Variants in TENM4 observed in about 807,000 individuals in gnomAD.
TENM4 encodes teneurin-4.
A neutral mutation model predicts 243.3 loss-of-function variants in TENM4; 82 were observed. The observed-to-expected ratio is 0.34, with a 90% CI of 0.28 to 0.40. TENM4 has a LOEUF of 0.40. TENM4 is among the 10% of genes least tolerant of loss of function. TENM4 has a pLI of 1.00. For synonymous variants in TENM4, 1,412 were observed against 1,456.3 expected (o/e 0.97, Z 0.69); for missense variants, 3,138 against 3,673.3 (o/e 0.85, Z 3.77).
At chr11:79,321,447 T>C (rs557158441) in intron 1 of TENM4, among the ~76,000 whole-genome samples, 2 of 152,112 alleles carry the variant, frequency 1.3e-5, no homozygotes, top group Non-Finnish European at 2.9e-5. Flanking sequence ...GATGGTTCGA[T>C]GTCCCAAATG....
intron 10 of TENM4, among the ~76,000 whole-genome samples, chr11:78,859,522 G>A (rs1230243693): frequency 2.6e-5 from 4 of 152,186 alleles, no homozygotes; most frequent in African/African-American, 9.7e-5. Flanking sequence ...AAAATGGATA[G>A]CTCAGTCAAA....
intron 18 of TENM4, among the ~76,000 whole-genome samples, chr11:78,761,684 T>C (rs188466927): frequency 1.1e-5 from 1 of 91,204 alleles, no homozygotes; most frequent in Non-Finnish European, 2.3e-5. Context: ...GGTATAGGCT[T>C]GGTCTCTTAG....
intron 1 of TENM4, among the ~76,000 whole-genome samples, chr11:79,368,417 C>T (rs948461985): frequency 6.6e-6 from 1 of 152,226 alleles, no homozygotes; most frequent in African/African-American, 2.4e-5. Context: ...GCAGTAATGT[C>T]AACCAAGTAC....
chr11:78,802,328 C>T (rs1183877615), intron 15 of TENM4, among the ~76,000 whole-genome samples: 4 of 152,222 alleles, frequency 2.6e-5, no homozygotes, highest in African/African-American at 9.6e-5. Context: ...GAGGCAGGTA[C>T]TATTACTATC....
chr11:78,835,415 A>G (rs919284899), intron 12 of TENM4, among the ~76,000 whole-genome samples: 1 of 152,166 alleles, frequency 6.6e-6, no homozygotes, highest in Non-Finnish European at 1.5e-5. Context: ...CTGAGGCAGG[A>G]GAATCACTTG....
chr11:78,944,124 C>A (rs1211943048), intron 6 of TENM4, among the ~76,000 whole-genome samples: 2 of 152,176 alleles, frequency 1.3e-5, no homozygotes, highest in Non-Finnish European at 2.9e-5. Context: ...GAGTGACTCT[C>A]CAGTGTCATC....
Position 79,364,990 on chromosome 11 carries a change from A to G in TENM4, c.-320-67447T>C, listed in dbSNP as rs529845095. Among the ~76,000 whole-genome samples the G allele has an allele frequency of 1.2e-3, 177 of 152,326 alleles. 9 individuals carry two copies. The South Asian group carries it at 0.034, about 29-fold the overall frequency. On this transcript the variant is annotated intron_variant, in intron 1 of 33. Transcript: ENST00000278550. ...AAGAAAGCAAAAACTGTTGGGAGAC[A>G]TGTTTCAAAATCTTACTAATGAGGT...
At position 79,289,663 on chromosome 11, in the gene TENM4, C is replaced by T. The variant is rs573244568; in HGVS notation, c.-265+7825G>A. 2.5e-4 allele frequency among the ~76,000 whole-genome samples: 38 copies of T among 152,352 alleles called. No homozygotes were observed. In the South Asian group the frequency reaches 7.1e-3, roughly 28 times the overall value. On this transcript the variant is annotated intron_variant, in intron 2 of 33. Coordinates refer to ENST00000278550, the MANE Select transcript of TENM4 (RefSeq NM_001098816.3). ...GATCCTAAGAGCATGCTCCAATAAA[C>T]TTTCTGCATGCAAATCTCTGTCCTA...
Position 78,688,170 on chromosome 11 carries a change from C to T in TENM4, c.5144G>A (p.Ser1715Asn), listed in dbSNP as rs1485512005. The change falls in exon 29 of 34, where the codon AGT becomes AAT. Residue 1715 changes from serine to asparagine, a missense_variant. Ser to Asn is a conservative substitution (Grantham distance 46). Around this residue, in one of 2 missense-constraint regions of TENM4, gnomAD observed 2,467 missense variants for 3,059.1 expected, o/e 0.81. Transcript: ENST00000278550. ...TGAACTGTCTGTATCACTTCGGAAA[C>T]TGCTCACCTGGCCAGTAGGGAAGGT... ...NVTFPTGQVS[S>N]FRSDTDSSVH... The T allele has an allele frequency of 6.2e-7, 1 of 1,613,936 alleles. No individual in the cohort carries two copies. The highest frequency in any genetic ancestry group is 2.2e-5 in the East Asian group (1 of 44,884).
rs566382996 is a variant in TENM4 at position 78,672,477 on chromosome 11, C to T, written c.5497-148G>A. ...CGCAGCAACAGACATGGGTTTGAAT[C>T]CTGGCTCTGTCATTTGTCAGCTCTG... On this transcript the variant is annotated intron_variant, in intron 30 of 33. Coordinates refer to ENST00000278550, the MANE Select transcript of TENM4 (RefSeq NM_001098816.3). The T allele has an allele frequency of 1.4e-5, 12 of 839,104 alleles. No homozygotes were observed. In the African/African-American group the frequency reaches 1.7e-4, roughly 12 times the overall value. 52.0% of individuals were successfully genotyped at this position (839,104 alleles called of 1,614,324 possible).
At chr11:79,017,367 A>C (rs1565168961) in intron 6 of TENM4, among the ~76,000 whole-genome samples, 1 of 152,126 alleles carries the variant, frequency 6.6e-6, no homozygotes, top group Non-Finnish European at 1.5e-5. Context: ...CCTTGTTCCA[A>C]AGGTGGTGAG....
chr11:79,208,814 A>G (rs1404521398), intron 3 of TENM4, among the ~76,000 whole-genome samples: 1 of 152,226 alleles, frequency 6.6e-6, no homozygotes, highest in Non-Finnish European at 1.5e-5. Context: ...CTTTTCCACT[A>G]TGGCCAGAAT....
intron 1 of TENM4, among the ~76,000 whole-genome samples, chr11:79,394,690 T>C (rs1296311960): frequency 6.6e-6 from 1 of 152,198 alleles, no homozygotes; most frequent in African/African-American, 2.4e-5. Context: ...AAGGTCTTTG[T>C]GAATGTAATC....
chr11:78,759,226 G>C (rs1434431376), intron 18 of TENM4, among the ~76,000 whole-genome samples: 1 of 152,156 alleles, frequency 6.6e-6, no homozygotes, highest in East Asian at 1.9e-4. Context: ...CAAAGCACCT[G>C]TCTTCTCCAG....
At chr11:78,975,165 T>C (rs1857624129) in intron 6 of TENM4, among the ~76,000 whole-genome samples, 1 of 124,620 alleles carries the variant, frequency 8.0e-6, no homozygotes. Context: ...GTGAGGGAGG[T>C]ATTGGGGTAT....
intron 1 of TENM4, among the ~76,000 whole-genome samples, chr11:79,396,160 C>T (rs1858339850): frequency 6.6e-6 from 1 of 152,212 alleles, no homozygotes; most frequent in African/African-American, 2.4e-5. Context: ...CTTGATCCTT[C>T]TGTAAGCTTT....
intron 6 of TENM4, among the ~76,000 whole-genome samples, chr11:78,950,054 G>A (rs553455596): frequency 6.6e-6 from 1 of 152,076 alleles, no homozygotes; most frequent in South Asian, 2.1e-4. Context: ...TGTTCTGAGG[G>A]GGCTCTAAGG....
chr11:78,880,868 G>A (rs975521310), intron 9 of TENM4, among the ~76,000 whole-genome samples: 3 of 152,166 alleles, frequency 2.0e-5, no homozygotes, highest in Non-Finnish European at 2.9e-5. Context: ...TACAGAGACA[G>A]AGAATAGATA....
At chr11:79,354,122 T>C (rs1022027757) in intron 1 of TENM4, among the ~76,000 whole-genome samples, 2 of 152,212 alleles carry the variant, frequency 1.3e-5, no homozygotes, top group African/African-American at 4.8e-5. Context: ...ATTGCCCAGA[T>C]AGAGAATAAA....
Sources: allele counts gnomAD v4.1 joint callset (sites outside exome capture counted in the v4.1 genomes callset), GRCh38; gene constraint gnomAD v4.1.1; regional missense constraint gnomAD v4.1.1; transcripts MANE v1.5; gene names NCBI Gene and HGNC (gene_info 2026-07-23, HGNC 2026-07-21).